ZDHHC20: variants seen among roughly 807,000 people sequenced by gnomAD.
ZDHHC20 encodes the protein palmitoyltransferase ZDHHC20.
In ZDHHC20, 43 loss-of-function variants were observed where a neutral mutation model predicts 57.8. That is an observed-to-expected ratio of 0.74 (90% CI 0.58 to 0.96). The LOEUF (loss-of-function observed/expected upper bound fraction) is 0.96. ZDHHC20 is among the 40% of genes least tolerant of loss of function. The probability of loss-of-function intolerance (pLI) is 0.00; values close to 1 mark genes in which losing one functional copy is unlikely to be tolerated. For missense variants in ZDHHC20, 391 were observed against 441.1 expected (o/e 0.89, Z 1.02); for synonymous variants, 157 against 153.0 (o/e 1.03, Z -0.19).
intron 11 of ZDHHC20, among the ~76,000 whole-genome samples, chr13:21,379,307 G>T (rs1872801940): frequency 6.6e-6 from 1 of 151,238 alleles, no homozygotes; most frequent in South Asian, 2.1e-4. Flanking sequence ...TTTGAGACAG[G>T]GTCTTGCTCT....
rs1459575757 is a variant in ZDHHC20, at chr13:21,405,251, A to G, written c.371-2385T>C. 2.6e-5 allele frequency among the ~76,000 whole-genome samples: 4 copies of G among 152,318 alleles called. No homozygotes were observed. In the East Asian group the frequency reaches 7.7e-4, roughly 29 times the overall value. On this transcript the variant is annotated intron_variant, in intron 4 of 12. Coordinates refer to ENST00000400590, the MANE Select transcript of ZDHHC20 (RefSeq NM_001330059.2). ...TTAAATGTTATTTTTAACAAAAATC[A>G]TTTTCATTTATTTAAGCCTTTAAAA... is the stretch of plus-strand genomic sequence containing the variant.
intron 1 of ZDHHC20, among the ~76,000 whole-genome samples, chr13:21,455,695 T>C (rs1884867490): frequency 6.6e-6 from 1 of 151,700 alleles, no homozygotes; most frequent in Non-Finnish European, 1.5e-5. Flanking sequence ...ATTAGCAAGT[T>C]ACAGAGGGTA....
rs572696191 is a variant in ZDHHC20 at position 21,402,315 on chromosome 13, A to C, written c.440+482T>G. On this transcript the variant is annotated intron_variant, in intron 5 of 12. Transcript: ENST00000400590. Reference sequence around the variant, plus strand: ...GCATAAGCACTACTGTATTTTTGTAATAAAAAAAACCCACCAAACTCCAAA... The same window carrying C: ...GCATAAGCACTACTGTATTTTTGTACTAAAAAAAACCCACCAAACTCCAAA... Among the ~76,000 whole-genome samples the C allele has an allele frequency of 4.6e-5, 7 of 152,284 alleles. No homozygotes were observed. In the South Asian group the frequency reaches 1.5e-3, roughly 32 times the overall value.
chr13:21,456,189 T>C (rs1884910854), intron 1 of ZDHHC20, among the ~76,000 whole-genome samples: 1 of 152,184 alleles, frequency 6.6e-6, no homozygotes, highest in African/African-American at 2.4e-5. Flanking sequence ...GTGGATTGCC[T>C]GAGGTCAGGA....
intron 1 of ZDHHC20, among the ~76,000 whole-genome samples, chr13:21,445,977 A>G (rs1438607938): frequency 6.6e-6 from 1 of 152,226 alleles, no homozygotes; most frequent in African/African-American, 2.4e-5. Context: ...TCCAGGCAGA[A>G]GGAACAGGAA....
rs767548504 is a variant in ZDHHC20 at position 21,402,858 on chromosome 13, A to G, written c.379T>C (p.Tyr127His). ...TTAATCAGCTGACATTTTTCACAAT[A>G]TCTGATAGCTACATGAAAGAAGTAA... ...YTTSASKTIR[Y>H]CEKCQLIKPD... Residue 127 changes from tyrosine to histidine, a missense_variant, in exon 5 of 13, where the codon TAT becomes CAT. By Grantham distance (83) the Tyr-to-His change is moderately conservative (BLOSUM62 2). Transcript: ENST00000400590. The G allele has an allele frequency of 8.2e-6, 13 of 1,592,054 alleles. No homozygotes were observed. In the South Asian group the frequency reaches 1.5e-4, roughly 18 times the overall value.
chr13:21,414,021 T>C (rs1879588663), intron 3 of ZDHHC20, among the ~76,000 whole-genome samples: 1 of 152,186 alleles, frequency 6.6e-6, no homozygotes, highest in Non-Finnish European at 1.5e-5. Flanking sequence ...ATCTTCGTTT[T>C]TCACAAATAA....
At position 21,441,481 on chromosome 13, in the gene ZDHHC20, G is replaced by A. The variant is rs146277015; in HGVS notation, c.119-15803C>T. 5.0e-3 allele frequency among the ~76,000 whole-genome samples: 753 copies of A among 149,120 alleles called. 10 individuals carry two copies. The highest frequency in any genetic ancestry group is 0.018 in the African/African-American group (719 of 40,544). ...ACTTACTGCAAGCTCCGCCTCCTGG[G>A]TTCACGCCATTCTCTTGACTCAGCC... On this transcript the variant is annotated intron_variant, in intron 1 of 12. Transcript: ENST00000400590.
At chr13:21,387,479 ATC>A (rs1234144722) in intron 9 of ZDHHC20, 27 bp downstream of exon 9, 6 of 1,453,756 alleles carry the variant, frequency 4.1e-6, no homozygotes, top group South Asian at 3.1e-5. Flanking sequence ...AGATGCCATA[ATC>A]TCTGAGACCC....
intron 3 of ZDHHC20, among the ~76,000 whole-genome samples, chr13:21,418,289 T>C (rs940977624): frequency 1.3e-5 from 2 of 152,126 alleles, no homozygotes; most frequent in Non-Finnish European, 1.5e-5. Context: ...CAGATGACCT[T>C]ATAGGAGTAG....
intron 4 of ZDHHC20, among the ~76,000 whole-genome samples, chr13:21,411,630 G>A (rs1404432224): frequency 6.6e-6 from 1 of 152,120 alleles, no homozygotes; most frequent in Non-Finnish European, 1.5e-5. Context: ...TCTGAGATGG[G>A]ATTAAACCAA....
chr13:21,380,761 T>C (rs1351426290), intron 11 of ZDHHC20, among the ~76,000 whole-genome samples: 6 of 150,158 alleles, frequency 4.0e-5, no homozygotes, highest in Non-Finnish European at 7.4e-5. Flanking sequence ...CACTGCACTC[T>C]AGCCTGGTGA....
intron 1 of ZDHHC20, 64 bp downstream of exon 1, chr13:21,458,990 G>T: frequency 7.8e-7 from 1 of 1,288,464 alleles, no homozygotes; most frequent in Non-Finnish European, 1.1e-6. Context: ...GTGGGGCGCA[G>T]AGGCCTATCT....
intron 1 of ZDHHC20, among the ~76,000 whole-genome samples, chr13:21,442,780 C>T (rs768449519): frequency 6.6e-6 from 1 of 151,918 alleles, no homozygotes; most frequent in Non-Finnish European, 1.5e-5. Context: ...AAACTTTTGA[C>T]TTGCAGTTTC....
chr13:21,431,568 TGTATTTGGCACAAA>T (rs1881957785), intron 1 of ZDHHC20, among the ~76,000 whole-genome samples: 2 of 152,264 alleles, frequency 1.3e-5, no homozygotes, highest in Admixed American at 1.3e-4. Flanking sequence ...TCAAAGTGGC[TGTATTTGGCACAAA>T]GTGTTTGGCA....
chr13:21,425,057 A>G (rs1385691750), intron 2 of ZDHHC20, among the ~76,000 whole-genome samples: 2 of 152,206 alleles, frequency 1.3e-5, no homozygotes, highest in African/African-American at 2.4e-5. Context: ...TTTTGTTTAA[A>G]TTTAATCTCA....
intron 1 of ZDHHC20, among the ~76,000 whole-genome samples, chr13:21,429,639 G>A (rs556097912): frequency 3.9e-5 from 6 of 152,204 alleles, no homozygotes; most frequent in African/African-American, 1.4e-4. Context: ...TATGTCCTTC[G>A]CCAAGTTTGA....
intron 2 of ZDHHC20, among the ~76,000 whole-genome samples, chr13:21,425,368 T>C (rs941309261): frequency 1.3e-5 from 2 of 152,106 alleles, no homozygotes; most frequent in Non-Finnish European, 2.9e-5. Flanking sequence ...GAAGAACATA[T>C]GAGACAAATA....
intron 1 of ZDHHC20, among the ~76,000 whole-genome samples, chr13:21,428,711 T>C (rs1333009555): frequency 1.3e-5 from 2 of 151,262 alleles, no homozygotes; most frequent in African/African-American, 4.9e-5. Context: ...ATACAAAAAA[T>C]TAGCTGGGCA....
Sources: allele counts gnomAD v4.1 joint callset (sites outside exome capture counted in the v4.1 genomes callset), GRCh38; gene constraint gnomAD v4.1.1; transcripts MANE v1.5; gene names NCBI Gene and HGNC (gene_info 2026-07-23, HGNC 2026-07-21).